Variants in ABCC1 observed in about 807,000 individuals in gnomAD.
ABCC1 encodes the protein multidrug resistance-associated protein 1.
A neutral mutation model predicts 172.9 loss-of-function variants in ABCC1; 83 were observed. That is an observed-to-expected ratio of 0.48 (90% confidence interval 0.40 to 0.58). ABCC1 has a LOEUF of 0.58. ABCC1 is among the 20% of genes least tolerant of loss of function. ABCC1 has a pLI of 0.00. For missense variants in ABCC1, 1,817 were observed against 2,002.7 expected, an observed-to-expected ratio of 0.91 and a Z score of 1.77; for synonymous variants, 937 against 825.2, an observed-to-expected ratio of 1.14 and a Z score of -2.32.
chr16:16,071,536 G>A, intron 13 of ABCC1, 106 bp from the exon 14 acceptor site: 2 of 782,758 alleles, frequency 2.6e-6, no homozygotes, highest in South Asian at 1.6e-5. Flanking sequence ...ATAAGGGAGG[G>A]TGTGTGCCCC....
intron 20 of ABCC1, among the ~76,000 whole-genome samples, chr16:16,103,120 C>G (rs1029658263): frequency 1.3e-5 from 2 of 152,118 alleles, no homozygotes; most frequent in Admixed American, 1.3e-4. Flanking sequence ...GAGGTTGAGG[C>G]AGGAGGATCG....
At chr16:15,951,432 G>C (rs887597797) in intron 1 of ABCC1, among the ~76,000 whole-genome samples, 4 of 150,686 alleles carry the variant, frequency 2.7e-5, no homozygotes, top group East Asian at 1.9e-4. Context: ...TTTTTCCTTC[G>C]TTAAGGACTT....
At chr16:15,997,828 C>T (rs152261) in intron 1 of ABCC1, among the ~76,000 whole-genome samples, 120,416 of 132,642 alleles carry the variant, frequency 0.91, 54,527 homozygotes, top group Middle Eastern at 0.93. Flanking sequence ...TTTTTTTTTT[C>T]CCTGAGACAG....
chr16:16,023,447 G>A (rs1422139881), intron 5 of ABCC1, among the ~76,000 whole-genome samples: 1 of 152,086 alleles, frequency 6.6e-6, no homozygotes, highest in Non-Finnish European at 1.5e-5. Context: ...AAGTTCCCTC[G>A]TGCCCCTTCA....
intron 18 of ABCC1, among the ~76,000 whole-genome samples, chr16:16,088,998 C>T (rs184755239): frequency 8.5e-4 from 129 of 152,254 alleles, no homozygotes; most frequent in Non-Finnish European, 1.2e-3. Flanking sequence ...TGTGAGCCAC[C>T]GCACGTGTCC....
intron 1 of ABCC1, among the ~76,000 whole-genome samples, chr16:15,954,484 C>G (rs1022373300): frequency 2.6e-5 from 4 of 151,998 alleles, no homozygotes; most frequent in African/African-American, 9.7e-5. Context: ...AGGATGGTGA[C>G]ATGACAGGGT....
chr16:16,037,862 G>A (rs1477461347), intron 7 of ABCC1, among the ~76,000 whole-genome samples: 3 of 152,136 alleles, frequency 2.0e-5, no homozygotes, highest in Admixed American at 6.5e-5. Context: ...GACTCCGGTC[G>A]GAGGCTGTTT....
intron 19 of ABCC1, chr16:16,097,908 T>C (rs1035352668): frequency 6.6e-6 from 1 of 152,420 alleles, no homozygotes; most frequent in East Asian, 1.9e-4. Context: ...GATACAGTAA[T>C]GGATATGACC....
At chr16:15,977,205 G>A (rs914423935) in intron 1 of ABCC1, among the ~76,000 whole-genome samples, 1 of 152,152 alleles carries the variant, frequency 6.6e-6, no homozygotes, top group East Asian at 1.9e-4. Context: ...TTCAAGAAAA[G>A]GGTAAGCCAG....
rs759822263 is a variant in ABCC1, at chr16:16,122,133, C to T, written c.3549C>T (p.Asp1183=). The change falls in exon 24 of 31, where the codon GAC becomes GAT. Residue 1183 remains aspartate (D), a synonymous_variant. Transcript: ENST00000399410. ...RFIHQSDLKV[D]ENQKAYYPSI... ...TCCACCAGAGTGACCTGAAGGTGGACGAGAACCAGAAGGCCTATTACCCCA... is the reference window on the plus strand; with the variant it reads ...TCCACCAGAGTGACCTGAAGGTGGATGAGAACCAGAAGGCCTATTACCCCA... 1.2e-5 allele frequency: 19 copies of T among 1,614,162 alleles called. No individual in the cohort carries two copies. The African/African-American group carries it at 1.3e-4, about 11-fold the overall frequency.
At chr16:15,998,387 A>C (rs2047132541) in intron 1 of ABCC1, among the ~76,000 whole-genome samples, 1 of 152,114 alleles carries the variant, frequency 6.6e-6, no homozygotes, top group African/African-American at 2.4e-5. Flanking sequence ...TCAGCCTCCC[A>C]AAGTGCTGGG....
Position 16,090,592 on chromosome 16 carries a change from G to A in ABCC1, c.2644+4G>A. On this transcript the variant is annotated splice_donor_region_variant and intron_variant, in intron 19 of 30. Coordinates refer to ENST00000399410, the MANE Select transcript of ABCC1 (RefSeq NM_004996.4). ...GAGCAGGATGCAGAGGAGAACGGTA[G>A]GGGCAGCCCCAGGGTTCCACCCACT... is the stretch of plus-strand genomic sequence containing the variant. 6.3e-7 allele frequency: 1 copy of A among 1,578,324 alleles called. No individual in the cohort carries two copies. Among genetic ancestry groups the A allele is most frequent in the South Asian group, 1.1e-5 (1 of 88,290 alleles).
chr16:16,003,016 A>G (rs563546155), intron 1 of ABCC1, among the ~76,000 whole-genome samples: 2 of 152,226 alleles, frequency 1.3e-5, no homozygotes, highest in Non-Finnish European at 2.9e-5. Context: ...GTTTTAGCAC[A>G]CAAATATATT....
intron 5 of ABCC1, among the ~76,000 whole-genome samples, chr16:16,027,746 G>A (rs374146837): frequency 1.3e-5 from 2 of 152,258 alleles, no homozygotes; most frequent in African/African-American, 2.4e-5. Flanking sequence ...CTGGGAGGTC[G>A]AGGCTGCAAA....
chr16:15,985,766 G>A (rs747066821), intron 1 of ABCC1, among the ~76,000 whole-genome samples: 2 of 151,790 alleles, frequency 1.3e-5, no homozygotes, highest in Non-Finnish European at 2.9e-5. Context: ...CTTATTGCTG[G>A]TATTGCCATC....
At chr16:16,050,513 G>GTT (rs75518951) in intron 10 of ABCC1, among the ~76,000 whole-genome samples, 7 of 150,612 alleles carry the variant, frequency 4.6e-5, no homozygotes, top group South Asian at 2.1e-4. Context: ...CTGTAGTTTG[G>GTT]TTTTTTTTTG....
intron 1 of ABCC1, among the ~76,000 whole-genome samples, chr16:15,968,932 G>T (rs570352374): frequency 3.8e-4 from 57 of 151,872 alleles, no homozygotes; most frequent in Non-Finnish European, 1.6e-4. Context: ...AGTCAGCCAG[G>T]TGTGGTGGCT....
chr16:16,018,856 C>A (rs2048098290), intron 5 of ABCC1, among the ~76,000 whole-genome samples: 1 of 151,874 alleles, frequency 6.6e-6, no homozygotes, highest in South Asian at 2.1e-4. Context: ...ATAAAGTTCA[C>A]AAAGGCAATG....
At chr16:15,954,007 T>A (rs868050792) in intron 1 of ABCC1, among the ~76,000 whole-genome samples, 197 of 73,156 alleles carry the variant, frequency 2.7e-3, no homozygotes, top group African/African-American at 0.013. Context: ...CTCCCCACCC[T>A]TTTTTTTTTT....
Sources: gnomAD v4.1 joint callset for allele counts (sites outside exome capture counted in the v4.1 genomes callset) on GRCh38, gnomAD v4.1.1 for gene constraint, MANE v1.5 for transcripts, NCBI Gene and HGNC (gene_info 2026-07-23, HGNC 2026-07-21) for gene names.